CCDC39: variants seen among roughly 807,000 people sequenced by gnomAD.
The protein encoded by CCDC39 is coiled-coil domain 39 molecular ruler complex subunit.
In CCDC39, 113 loss-of-function variants were observed where a neutral mutation model predicts 121.0. The ratio of observed to expected loss-of-function variants is 0.93; its 90% CI spans 0.80 to 1.09. The LOEUF is 1.09. Ranked by LOEUF, CCDC39 falls within the 50% of genes least tolerant of loss-of-function variation. CCDC39 has a pLI of 0.00. For missense variants in CCDC39, 1,063 were observed against 1,074.7 expected (o/e 0.99, Z 0.15); for synonymous variants, 349 against 352.2 (o/e 0.99, Z 0.10).
chr3:180,650,604 C>A (rs1057045111), intron 9 of CCDC39, among the ~76,000 whole-genome samples: 1 of 152,118 alleles, frequency 6.6e-6, no homozygotes, highest in African/African-American at 2.4e-5. Flanking sequence ...CACCTGTAAT[C>A]CCAACACTTT....
chr3:180,667,990 G>C lies in CCDC39; in HGVS notation c.91-4004C>G, dbSNP rs1481141838. 3.3e-5 allele frequency among the ~76,000 whole-genome samples: 5 copies of C among 152,154 alleles called. No individual in the cohort carries two copies. In the East Asian group the frequency reaches 9.6e-4, roughly 29 times the overall value. Reference sequence around the variant, plus strand: ...AGACACCAGACCAAATTGAGGACTAGCTAAAACAGGTTCAGGCGAAGGCAG... The same window carrying C: ...AGACACCAGACCAAATTGAGGACTACCTAAAACAGGTTCAGGCGAAGGCAG... On this transcript the variant is annotated intron_variant, in intron 1 of 19. Transcript: ENST00000476379.
At chr3:180,646,995 ATC>A in intron 11 of CCDC39, 82 bp downstream of exon 11, 1 of 1,287,054 alleles carries the variant, frequency 7.8e-7, no homozygotes, top group Non-Finnish European at 1.1e-6. Flanking sequence ...CAGTCACCCT[ATC>A]CAAAGTAGTC....
At chr3:180,673,672 A>T (rs1712111241) in intron 1 of CCDC39, among the ~76,000 whole-genome samples, 1 of 152,186 alleles carries the variant, frequency 6.6e-6, no homozygotes, top group Admixed American at 6.6e-5. Context: ...GTAAGCCTAC[A>T]CAAGAAAAAC....
chr3:180,673,751 G>C (rs1245488187), intron 1 of CCDC39, among the ~76,000 whole-genome samples: 1 of 152,078 alleles, frequency 6.6e-6, no homozygotes. Context: ...CAAGGTAACA[G>C]TTGTAAAACA....
intron 1 of CCDC39, among the ~76,000 whole-genome samples, chr3:180,676,883 T>C (rs1712226727): frequency 6.6e-6 from 1 of 151,576 alleles, no homozygotes; most frequent in Non-Finnish European, 1.5e-5. Flanking sequence ...TAGCAAACTA[T>C]TGCAAGGACA....
intron 14 of CCDC39, among the ~76,000 whole-genome samples, chr3:180,630,967 C>T (rs1228797616): frequency 3.9e-5 from 6 of 152,090 alleles, no homozygotes; most frequent in African/African-American, 1.4e-4. Context: ...CAGGGTGTGG[C>T]ATAAGAGTGG....
intron 1 of CCDC39, among the ~76,000 whole-genome samples, chr3:180,671,969 C>G (rs941378007): frequency 2.0e-5 from 3 of 152,148 alleles, no homozygotes; most frequent in African/African-American, 7.2e-5. Flanking sequence ...CACCAAACAA[C>G]AGATTTTCAA....
intron 13 of CCDC39, among the ~76,000 whole-genome samples, chr3:180,634,584 C>G (rs1717782016): frequency 6.6e-6 from 1 of 152,098 alleles, no homozygotes; most frequent in Admixed American, 6.6e-5. Flanking sequence ...AAACATAAAC[C>G]CTGAGATCAC....
chr3:180,670,639 CTTT>C (rs573623299), intron 1 of CCDC39, among the ~76,000 whole-genome samples: 8 of 120,418 alleles, frequency 6.6e-5, no homozygotes, highest in African/African-American at 1.5e-4. Context: ...TTTTTTTTCT[CTTT>C]TTTTTTTTTT....
chr3:180,616,695 ACT>A lies in CCDC39; in HGVS notation c.2407-2_2407-1del. On this transcript the variant is annotated splice_acceptor_variant, in intron 17 of 19. Coordinates refer to ENST00000476379, the MANE Select transcript of CCDC39 (RefSeq NM_181426.2). LOFTEE classifies it high-confidence loss of function. ...CGGATTTCCTTTGTGAGTTTTGCAC[ACT>A]GTTGGTAAATAATAGTCAATTATTC... 1.9e-6 allele frequency: 3 copies of A among 1,584,950 alleles called. No homozygotes were observed. In the East Asian group the frequency reaches 6.8e-5, roughly 36 times the overall value.
chr3:180,652,590 A>C (rs1033305001), intron 7 of CCDC39, among the ~76,000 whole-genome samples: 1 of 152,186 alleles, frequency 6.6e-6, no homozygotes, highest in Non-Finnish European at 1.5e-5. Flanking sequence ...TGTGCTCATA[A>C]GAATCATAAG....
At chr3:180,678,844 C>T (rs563058645) in intron 1 of CCDC39, among the ~76,000 whole-genome samples, 23 of 152,270 alleles carry the variant, frequency 1.5e-4, no homozygotes, top group African/African-American at 5.5e-4. Context: ...TTAAACATTA[C>T]AGACAAAAAC....
At chr3:180,642,912 A>C (rs1304015925) in intron 12 of CCDC39, among the ~76,000 whole-genome samples, 1 of 152,166 alleles carries the variant, frequency 6.6e-6, no homozygotes, top group East Asian at 1.9e-4. Context: ...CACTGAATAA[A>C]AATGTAAAGG....
intron 9 of CCDC39, among the ~76,000 whole-genome samples, chr3:180,650,093 A>AC (rs929409680): frequency 1.3e-5 from 2 of 151,654 alleles, no homozygotes; most frequent in Non-Finnish European, 2.9e-5. Flanking sequence ...CCCTTTTTCA[A>AC]CCCCCCCAAA....
intron 6 of CCDC39, among the ~76,000 whole-genome samples, chr3:180,658,251 G>T (rs1325347910): frequency 1.4e-5 from 2 of 146,510 alleles, no homozygotes; most frequent in Non-Finnish European, 3.0e-5. Flanking sequence ...AAAAAAAAAG[G>T]TAGTATCAGC....
Position 180,616,313 on chromosome 3 carries a change from A to G in CCDC39, c.2637T>C (p.Ser879=). 2 of 1,613,438 alleles carry G rather than the reference A, an allele frequency of 1.2e-6. No individual in the cohort carries two copies. The highest frequency in any genetic ancestry group is 1.7e-6 in the Non-Finnish European group (2 of 1,179,528). Residue 879 remains serine (S), a synonymous_variant, in exon 19 of 20, where the codon TCT becomes TCC. Transcript: ENST00000476379. The part of the protein sequence containing the change: ...TASTKGSRQS[S]RSPSHTSLSA... ...ATAGTGAAGTATGTGAAGGAGATCT[A>G]GAGCTCTGACGACTGCCTTTTGTGC... is the stretch of plus-strand genomic sequence containing the variant.
At chr3:180,655,839 A>G (rs530229615) in intron 6 of CCDC39, among the ~76,000 whole-genome samples, 1 of 152,310 alleles carries the variant, frequency 6.6e-6, no homozygotes, top group South Asian at 2.1e-4. Context: ...GGAAATAAAA[A>G]GATTAGATGT....
intron 13 of CCDC39, among the ~76,000 whole-genome samples, chr3:180,633,352 G>C (rs540146066): frequency 5.9e-5 from 9 of 152,272 alleles, no homozygotes; most frequent in African/African-American, 2.2e-4. Context: ...ATGCATAGAA[G>C]ACAATGTTCA....
intron 1 of CCDC39, among the ~76,000 whole-genome samples, chr3:180,670,112 T>G (rs1295235778): frequency 6.6e-6 from 1 of 152,142 alleles, no homozygotes; most frequent in Non-Finnish European, 1.5e-5. Context: ...AAACATGTTC[T>G]AATGCAGAGG....
Sources: allele counts gnomAD v4.1 joint callset (sites outside exome capture counted in the v4.1 genomes callset), GRCh38; gene constraint gnomAD v4.1.1; transcripts MANE v1.5; gene names NCBI Gene and HGNC (gene_info 2026-07-23, HGNC 2026-07-21).